FBXO9: variants seen among roughly 807,000 people sequenced by gnomAD.
FBXO9 encodes F-box protein 9.
FBXO9 carries 43 observed loss-of-function variants against 63.7 expected under a neutral mutation model. The observed-to-expected ratio is 0.67, with a 90% CI of 0.53 to 0.87. The LOEUF (loss-of-function observed/expected upper bound fraction) is 0.87. Ranked by LOEUF, FBXO9 falls within the 40% of genes least tolerant of loss-of-function variation. The pLI is 0.00. For missense variants in FBXO9, 442 were observed against 533.2 expected, an observed-to-expected ratio of 0.83 and a Z score of 1.68; for synonymous variants, 156 against 171.7, an observed-to-expected ratio of 0.91 and a Z score of 0.72.
Position 53,076,466 on chromosome 6 carries a change from T to G in FBXO9, c.250-20T>G. 2 of 1,504,110 alleles carry G rather than the reference T, an allele frequency of 1.3e-6. No individual in the cohort carries two copies. The highest frequency in any genetic ancestry group is 1.8e-6 in the Non-Finnish European group (2 of 1,130,034). 93.2% of individuals were successfully genotyped at this position (1,504,110 alleles called of 1,614,324 possible). A position where few individuals can be genotyped will look rare whatever the true frequency, so the allele number is the denominator to read the frequency against. On this transcript the variant is annotated intron_variant, in intron 3 of 12. Transcript: ENST00000323557. ...TTTTTAATGCAGGTTTTCAAAAATTTTTACTTTATATTTTTATAGGCTCGA... is the reference window on the plus strand; with the variant it reads ...TTTTTAATGCAGGTTTTCAAAAATTGTTACTTTATATTTTTATAGGCTCGA...
At chr6:53,069,361 T>C (rs1768827676) in intron 1 of FBXO9, among the ~76,000 whole-genome samples, 1 of 152,232 alleles carries the variant, frequency 6.6e-6, no homozygotes, top group Non-Finnish European at 1.5e-5. Flanking sequence ...CATTAGAGTA[T>C]TTTCTGTTTT....
intron 3 of FBXO9, among the ~76,000 whole-genome samples, chr6:53,074,447 C>T (rs1199394195): frequency 6.6e-6 from 1 of 152,136 alleles, no homozygotes; most frequent in Non-Finnish European, 1.5e-5. Flanking sequence ...ATATCAAAAA[C>T]GAGGAAATAG....
Position 53,098,155 on chromosome 6 carries a change from A to G in FBXO9, c.*325A>G. On this transcript the variant is annotated 3_prime_UTR_variant, in exon 13 of 13. Transcript: ENST00000323557. ...TATGAGGTTTATCATGCCCTTTTTC[A>G]AGCAGATTTATGAGCAGATTTCTGT... 2.6e-6 allele frequency: 1 copy of G among 383,484 alleles called. No individual in the cohort carries two copies. The highest frequency in any genetic ancestry group is 5.4e-6 in the Non-Finnish European group (1 of 186,218). 23.8% of individuals were successfully genotyped at this position (383,484 alleles called of 1,614,324 possible).
chr6:53,093,435 G>A, intron 9 of FBXO9, 31 bp from the exon 10 acceptor site: 1 of 1,457,112 alleles, frequency 6.9e-7, no homozygotes, highest in Non-Finnish European at 9.6e-7. Flanking sequence ...TGTGGGGGGT[G>A]TGTTTTGGTC....
At position 53,082,068 on chromosome 6, in the gene FBXO9, C is replaced by CA. The variant is rs1004703364; in HGVS notation, c.539-426dup. On this transcript the variant is annotated intron_variant, in intron 6 of 12. Coordinates refer to ENST00000323557, the MANE Select transcript of FBXO9 (RefSeq NM_033480.3). ...TGGGCAACAGAGCAAGAACCTGTCA[C>CA]AAAAAAAAAAGAAATTCATGTATTT... 4.4e-4 allele frequency among the ~76,000 whole-genome samples: 63 copies of CA among 144,222 alleles called. 1 individual carries two copies. The highest frequency in any genetic ancestry group is 6.6e-4 in the South Asian group (3 of 4,566). 94.6% of individuals were successfully genotyped at this position (144,222 alleles called of 152,430 possible).
rs1208313881 is a variant in FBXO9 at position 53,098,083 on chromosome 6, G to C, written c.*253G>C. On this transcript the variant is annotated 3_prime_UTR_variant, in exon 13 of 13. Transcript: ENST00000323557. ...GATTCCTGGGGTGTTTTGAAATTAA[G>C]TTGGAATTAAGTTGCTTAAGCATAT... 4.0e-6 allele frequency: 1 copy of C among 247,722 alleles called. No individual in the cohort carries two copies. Among genetic ancestry groups the C allele is most frequent in the East Asian group, 1.3e-4 (1 of 7,488 alleles). 15.3% of individuals were successfully genotyped at this position (247,722 alleles called of 1,614,324 possible).
chr6:53,096,902 T>C (rs1391187199), intron 12 of FBXO9, among the ~76,000 whole-genome samples: 1 of 152,042 alleles, frequency 6.6e-6, no homozygotes, highest in African/African-American at 2.4e-5. Flanking sequence ...CAAGACCTTG[T>C]ATCAAAAAGA....
intron 6 of FBXO9, among the ~76,000 whole-genome samples, chr6:53,081,382 C>T (rs1769307746): frequency 6.6e-6 from 1 of 152,196 alleles, no homozygotes; most frequent in Admixed American, 6.5e-5. Context: ...AGCAATTCTG[C>T]TGCCTCAGCC....
At chr6:53,082,328 C>T (rs900541684) in intron 6 of FBXO9, among the ~76,000 whole-genome samples, 176 bp from the exon 7 acceptor site, 4 of 152,106 alleles carry the variant, frequency 2.6e-5, no homozygotes, top group Non-Finnish European at 5.9e-5. Flanking sequence ...ATATTTATGT[C>T]TTGATGTTAA....
intron 4 of FBXO9, 60 bp from the exon 5 acceptor site, chr6:53,078,739 A>G: frequency 1.6e-6 from 2 of 1,276,054 alleles, no homozygotes; most frequent in Non-Finnish European, 2.3e-6. Context: ...GTTAAGGGTA[A>G]TCAAAGGAAA....
intron 11 of FBXO9, chr6:53,094,813 G>T (rs750829620): frequency 2.3e-6 from 1 of 431,230 alleles, no homozygotes; most frequent in South Asian, 1.6e-5. Flanking sequence ...AGAGAGAGTT[G>T]CTTTGACTGT....
intron 12 of FBXO9, among the ~76,000 whole-genome samples, chr6:53,096,201 ACAT>A: frequency 6.6e-6 from 1 of 152,232 alleles, no homozygotes; most frequent in South Asian, 2.1e-4. Flanking sequence ...ATTTACCTGT[ACAT>A]CATAATCAGT....
In FBXO9 at chr6:53,073,658, G is replaced by T; in HGVS notation, c.249+19G>T. The T allele has an allele frequency of 1.4e-6, 2 of 1,455,614 alleles. No individual in the cohort carries two copies. The highest frequency in any genetic ancestry group is 9.0e-7 in the Non-Finnish European group (1 of 1,110,330). The allele number at this position is 1,455,614 out of a possible 1,614,324, so 90.2% of individuals were successfully genotyped here. On this transcript the variant is annotated intron_variant, in intron 3 of 12. Coordinates refer to ENST00000323557, the MANE Select transcript of FBXO9 (RefSeq NM_033480.3). Reference sequence around the variant, plus strand: ...AGAAAAGTTAAGTATTATAGATATTGTAACAAATTACATTTTTTTTTTTTT... The same window carrying T: ...AGAAAAGTTAAGTATTATAGATATTTTAACAAATTACATTTTTTTTTTTTT...
intron 1 of FBXO9, among the ~76,000 whole-genome samples, chr6:53,068,869 C>G (rs1212516775): frequency 6.6e-6 from 1 of 152,086 alleles, no homozygotes; most frequent in African/African-American, 2.4e-5. Flanking sequence ...AGCCTTGTCT[C>G]AAACTCCTGG....
chr6:53,065,779 G>A lies in FBXO9; in HGVS notation c.-11G>A. ...GAGAGCCCCTCGAGCGCAGCAGGCCGCCCCGCCAGCATGGTAACCTGGCCA... is the reference window on the plus strand; with the variant it reads ...GAGAGCCCCTCGAGCGCAGCAGGCCACCCCGCCAGCATGGTAACCTGGCCA... On this transcript the variant is annotated 5_prime_UTR_variant, in exon 1 of 13. Coordinates refer to ENST00000323557, the MANE Select transcript of FBXO9 (RefSeq NM_033480.3). 1.4e-6 allele frequency: 2 copies of A among 1,387,702 alleles called. No homozygotes were observed. Among genetic ancestry groups the A allele is most frequent in the Admixed American group, 3.1e-5 (1 of 32,722 alleles). 86.0% of individuals were successfully genotyped at this position (1,387,702 alleles called of 1,614,324 possible).
Position 53,071,046 on chromosome 6 carries a change from TC to T in FBXO9, c.4-5del. 1.3e-6 allele frequency: 2 copies of T among 1,564,422 alleles called. No homozygotes were observed. The highest frequency in any genetic ancestry group is 2.4e-5 in the South Asian group (2 of 84,846). On this transcript the variant is annotated splice_polypyrimidine_tract_variant and intron_variant, in intron 1 of 12. Coordinates refer to ENST00000323557, the MANE Select transcript of FBXO9 (RefSeq NM_033480.3). ...TATATGCCTGACATTATTTGGGTTT[TC>T]CCCCCTCAGGCAGAAGCTGAGGAAG...
At chr6:53,084,986 A>G (rs987939646) in intron 7 of FBXO9, among the ~76,000 whole-genome samples, 2 of 152,204 alleles carry the variant, frequency 1.3e-5, no homozygotes, top group African/African-American at 4.8e-5. Flanking sequence ...ATTCTTAAAT[A>G]TGACATTTTC....
At chr6:53,074,632 G>A (rs768233419) in intron 3 of FBXO9, among the ~76,000 whole-genome samples, 1 of 152,148 alleles carries the variant, frequency 6.6e-6, no homozygotes, top group Non-Finnish European at 1.5e-5. Context: ...CTAGCCATTC[G>A]TAACCACTGG....
intron 7 of FBXO9, among the ~76,000 whole-genome samples, chr6:53,088,217 A>T (rs564066424): frequency 6.1e-4 from 93 of 152,340 alleles, no homozygotes; most frequent in African/African-American, 2.2e-3. Flanking sequence ...TTCATTATTT[A>T]ATCTTGGTTC....
Sources: gnomAD v4.1 joint callset for allele counts (sites outside exome capture counted in the v4.1 genomes callset) on GRCh38, gnomAD v4.1.1 for gene constraint, MANE v1.5 for transcripts, NCBI Gene and HGNC (gene_info 2026-07-23, HGNC 2026-07-21) for gene names.